CCNL1: variants seen among roughly 807,000 people sequenced by gnomAD.
The protein encoded by CCNL1 is cyclin-L1.
Under a neutral mutation model 60.6 loss-of-function variants are expected in CCNL1, and 13 were observed. That is an observed-to-expected ratio of 0.21 (90% confidence interval 0.14 to 0.34). CCNL1 has a LOEUF of 0.34. CCNL1 is among the 10% of genes least tolerant of loss of function. The pLI is 1.00. For synonymous variants in CCNL1, 270 were observed against 244.3 expected (o/e 1.10, Z -0.98); for missense variants, 481 against 664.3 (o/e 0.72, Z 3.03).
At position 157,159,883 on chromosome 3, in the gene CCNL1, T is replaced by C. The variant is rs1448824630; in HGVS notation, c.212A>G (p.Gln71Arg). 1.9e-6 allele frequency: 3 copies of C among 1,600,906 alleles called. No individual in the cohort carries two copies. The highest frequency in any genetic ancestry group is 1.3e-5 in the African/African-American group (1 of 74,678). Reference protein sequence around the residue: ...EERLSPTPSMQDGLDLPSETD... With the variant: ...EERLSPTPSMRDGLDLPSETD... Reference sequence around the variant, plus strand: ...CTCACTGGGCAGGTCGAGCCCATCCTGCATGGATGGGGTGGGCGAGAGCCT... The same window carrying C: ...CTCACTGGGCAGGTCGAGCCCATCCCGCATGGATGGGGTGGGCGAGAGCCT... Residue 71 changes from glutamine (Q) to arginine (R), a missense_variant, in exon 1 of 11, where the codon CAG (glutamine) becomes CGG (arginine). By Grantham distance (43) the Gln-to-Arg change is conservative. Coordinates refer to ENST00000295926, the MANE Select transcript of CCNL1 (RefSeq NM_020307.4).
At chr3:157,152,313 G>A (rs1455550682) in intron 4 of CCNL1, 72 bp from the exon 5 acceptor site, 1 of 1,558,834 alleles carries the variant, frequency 6.4e-7, no homozygotes, top group Non-Finnish European at 8.6e-7. Flanking sequence ...AATGAAAAAA[G>A]TAATTGAAAA....
intron 2 of CCNL1, chr3:157,159,185 G>C (rs868341068): frequency 6.3e-6 from 4 of 631,076 alleles, no homozygotes; most frequent in Non-Finnish European, 1.1e-5. Context: ...CAGGAGTTCT[G>C]CATTTGGTTG....
intron 3 of CCNL1, 58 bp downstream of exon 3, chr3:157,158,808 G>A (rs1738825519): frequency 1.9e-6 from 2 of 1,043,246 alleles, no homozygotes; most frequent in East Asian, 5.0e-5. Context: ...TTGATTTGAT[G>A]ACTGGTGCAC....
intron 3 of CCNL1, 149 bp downstream of exon 3, chr3:157,158,717 C>A: frequency 1.9e-6 from 1 of 536,370 alleles, no homozygotes; most frequent in East Asian, 3.3e-5. Flanking sequence ...TTTTAAGTAT[C>A]AGTGTTCCTA....
Position 157,160,069 on chromosome 3 carries a change from G to A in CCNL1, c.26C>T (p.Ala9Val). The A allele has an allele frequency of 6.4e-7, 1 of 1,556,242 alleles. No homozygotes were observed. The highest frequency in any genetic ancestry group is 8.7e-7 in the Non-Finnish European group (1 of 1,150,654). The change falls in exon 1 of 11, where the codon GCT becomes GTT. Residue 9 changes from alanine to valine, a missense_variant. Coordinates refer to ENST00000295926, the MANE Select transcript of CCNL1 (RefSeq NM_020307.4). Reference protein sequence around the residue: MASGPHSTATAAAAASSAA... With the variant: MASGPHSTVTAAAAASSAA... ...CGATGAGGCGGCTGCGGCAGCAGTA[G>A]CTGTCGAATGAGGCCCGGACGCCAT...
downstream of CCNL1, chr3:157,146,513 C>T (rs1289825298): frequency 6.7e-6 from 3 of 449,658 alleles, no homozygotes; most frequent in Admixed American, 4.8e-5. Context: ...AATTTCAACA[C>T]TATTAAGAAT....
chr3:157,151,658 T>A (rs1738206669), intron 5 of CCNL1: 6 of 990,208 alleles, frequency 6.1e-6, no homozygotes, highest in Non-Finnish European at 7.2e-6. Flanking sequence ...ACAACAAATC[T>A]ATCAAAAATG....
chr3:157,158,773 G>C (rs1284393224), intron 3 of CCNL1, 93 bp downstream of exon 3: 2 of 750,088 alleles, frequency 2.7e-6, no homozygotes, highest in East Asian at 2.7e-5. Flanking sequence ...TTTTGCATCC[G>C]TATTCACTTG....
chr3:157,144,779 T>C (rs1280431541), downstream of CCNL1, among the ~76,000 whole-genome samples: 2 of 152,240 alleles, frequency 1.3e-5, no homozygotes, highest in Non-Finnish European at 2.9e-5. Context: ...AACTTCATTT[T>C]AAAAAATCTG....
At chr3:157,146,221 T>C (rs906227112), downstream of CCNL1, among the ~76,000 whole-genome samples, 11 of 152,168 alleles carry the variant, frequency 7.2e-5, no homozygotes, top group Non-Finnish European at 1.5e-4. Flanking sequence ...TCAAAATAAG[T>C]TTGAAAATGA....
chr3:157,148,848 TTAAG>T, intron 10 of CCNL1: 1 of 426,486 alleles, frequency 2.3e-6, no homozygotes, highest in Non-Finnish European at 4.1e-6. Flanking sequence ...ATGCTTTTTA[TTAAG>T]TATCTCCCAC....
At chr3:157,157,610 A>G (rs1738718989) in intron 3 of CCNL1, among the ~76,000 whole-genome samples, 1 of 152,234 alleles carries the variant, frequency 6.6e-6, no homozygotes, top group South Asian at 2.1e-4. Context: ...GACCAATTTG[A>G]AATCTTCCCA....
At position 157,159,782 on chromosome 3, in the gene CCNL1, G is replaced by T. The variant is rs562425033; in HGVS notation, c.303+10C>A. ...GGAGCGCCCGGCCGGCCCGGGGCCG[G>T]AGCACTGACCTGCGGCAGCCGGAGG... On this transcript the variant is annotated intron_variant, in intron 1 of 10. Coordinates refer to ENST00000295926, the MANE Select transcript of CCNL1 (RefSeq NM_020307.4). 2.6e-6 allele frequency: 4 copies of T among 1,526,946 alleles called. No homozygotes were observed. The East Asian group carries it at 7.4e-5, about 28-fold the overall frequency. 94.6% of individuals were successfully genotyped at this position (1,526,946 alleles called of 1,614,324 possible). A position where few individuals can be genotyped will look rare whatever the true frequency, so the allele number is the denominator to read the frequency against.
chr3:157,148,215 T>C lies in CCNL1; in HGVS notation c.*26A>G. 6.3e-7 allele frequency: 1 copy of C among 1,599,282 alleles called. No homozygotes were observed. Among genetic ancestry groups the C allele is most frequent in the Non-Finnish European group, 8.5e-7 (1 of 1,172,378 alleles). ...ACTGTAGATAGGCAAAACCAAGAAC[T>C]GATGCAGGCTCAAAGGAAGAGAAAG... On this transcript the variant is annotated 3_prime_UTR_variant, in exon 11 of 11. Coordinates refer to ENST00000295926, the MANE Select transcript of CCNL1 (RefSeq NM_020307.4).
At chr3:157,156,903 GGAGTT>G in intron 3 of CCNL1, 1 of 1,284,942 alleles carries the variant, frequency 7.8e-7, no homozygotes, top group Non-Finnish European at 1.0e-6. Flanking sequence ...ACAAGAAACA[GGAGTT>G]TTTCTAAATG....
intron 5 of CCNL1, chr3:157,151,486 C>T (rs1469013891): frequency 1.0e-6 from 1 of 985,692 alleles, no homozygotes; most frequent in Non-Finnish European, 1.2e-6. Flanking sequence ...ATATTATTAC[C>T]CGCAATACAG....
Position 157,159,814 on chromosome 3 carries a change from C to G in CCNL1, c.281G>C (p.Gly94Ala). 6.5e-7 allele frequency: 1 copy of G among 1,538,634 alleles called. No individual in the cohort carries two copies. Residue 94 changes from glycine (G) to alanine (A), a missense_variant, in exon 1 of 11, where the codon GGC (glycine) becomes GCC (alanine). By Grantham distance (60) the Gly-to-Ala change is moderately conservative. Transcript: ENST00000295926. ...GACCTGCGGCAGCCGGAGGAGAATGCCGGCGGCCTGGATGAGCTCGCAGCC... is the reference window on the plus strand; with the variant it reads ...GACCTGCGGCAGCCGGAGGAGAATGGCGGCGGCCTGGATGAGCTCGCAGCC... Reference protein sequence around the residue: ...ILGCELIQAAGILLRLPQVAM... With the variant: ...ILGCELIQAAAILLRLPQVAM...
chr3:157,146,050 C>A (rs984103861), downstream of CCNL1, among the ~76,000 whole-genome samples: 4 of 152,156 alleles, frequency 2.6e-5, no homozygotes, highest in Non-Finnish European at 5.9e-5. Flanking sequence ...AAATCCTCAA[C>A]CTTGTGGACT....
chr3:157,154,618 G>C (rs1434578358), intron 3 of CCNL1: 2 of 152,130 alleles, frequency 1.3e-5, no homozygotes, highest in Non-Finnish European at 2.9e-5. Flanking sequence ...GGTAACATCA[G>C]AGTAAAAAGT....
Sources: allele counts gnomAD v4.1 joint callset (sites outside exome capture counted in the v4.1 genomes callset), GRCh38; gene constraint gnomAD v4.1.1; transcripts MANE v1.5; gene names NCBI Gene and HGNC (gene_info 2026-07-23, HGNC 2026-07-21).